The following TASP1 variants were observed in gnomAD, a reference collection of about 807,000 sequenced individuals.
The protein encoded by TASP1 is threonine aspartase 1.
Under a neutral mutation model 56.6 loss-of-function variants are expected in TASP1, and 16 were observed. The ratio of observed to expected loss-of-function variants is 0.28; its 90% CI spans 0.19 to 0.43. The LOEUF (loss-of-function observed/expected upper bound fraction) is 0.43, where lower values mean the gene tolerates loss of function less well. TASP1 is among the 20% of genes least tolerant of loss of function. The probability of loss-of-function intolerance (pLI) is 1.00; values close to 1 mark genes in which losing one functional copy is unlikely to be tolerated. For synonymous variants in TASP1, 179 were observed against 184.2 expected, an observed-to-expected ratio of 0.97 and a Z score of 0.23; for missense variants, 393 against 511.6, an observed-to-expected ratio of 0.77 and a Z score of 2.24.
At chr20:13,211,786 A>G in the TASP1 span, among the ~76,000 whole-genome samples, 44,908 of 152,016 alleles carry the variant, frequency 0.3, 6,985 homozygotes, top group African/African-American at 0.36. Context: ...TGTCAAGTAA[A>G]CAGGCCAAAT....
the TASP1 span, among the ~76,000 whole-genome samples, chr20:13,112,270 C>T: frequency 1.3e-5 from 2 of 152,214 alleles, no homozygotes; most frequent in African/African-American, 4.8e-5. Context: ...ACTTGCACAT[C>T]TGGCCCTCGG....
intron 11 of TASP1, among the ~76,000 whole-genome samples, chr20:13,449,228 T>A (rs548733615): frequency 2.6e-5 from 4 of 152,178 alleles, no homozygotes; most frequent in African/African-American, 9.6e-5. Flanking sequence ...TATGGCCAAA[T>A]AATGCAGGTG....
At chr20:13,246,208 G>A in the TASP1 span, among the ~76,000 whole-genome samples, 380 of 151,790 alleles carry the variant, frequency 2.5e-3, 6 homozygotes, top group Admixed American at 0.024. Flanking sequence ...AGGAGGCGGA[G>A]GTTGCAGTGA....
chr20:13,522,743 C>T (rs1394683287), intron 10 of TASP1, among the ~76,000 whole-genome samples: 1 of 151,996 alleles, frequency 6.6e-6, no homozygotes, highest in Non-Finnish European at 1.5e-5. Flanking sequence ...AGCCATCAGA[C>T]TGGATGAGAC....
intron 10 of TASP1, among the ~76,000 whole-genome samples, chr20:13,502,938 C>A (rs1305942594): frequency 3.3e-5 from 5 of 152,148 alleles, no homozygotes; most frequent in Non-Finnish European, 5.9e-5. Context: ...CAAGGTGGCA[C>A]AGCTCAGTGC....
At chr20:13,116,418 G>A in the TASP1 span, among the ~76,000 whole-genome samples, 3,170 of 152,250 alleles carry the variant, frequency 0.021, 90 homozygotes, top group African/African-American at 0.068. Flanking sequence ...GTGCAACATA[G>A]ACACAGCTTG....
the TASP1 span, chr20:13,117,837 T>C: frequency 1.0e-6 from 1 of 983,570 alleles, no homozygotes; most frequent in Non-Finnish European, 1.5e-6. Flanking sequence ...ACACCTCAGC[T>C]GATCACTCCA....
chr20:13,137,256 T>C, the TASP1 span, among the ~76,000 whole-genome samples: 4 of 152,214 alleles, frequency 2.6e-5, no homozygotes, highest in African/African-American at 9.7e-5. Flanking sequence ...AGTTGGGAAG[T>C]ACTCAAAGCT....
the TASP1 span, among the ~76,000 whole-genome samples, chr20:13,225,137 G>A: frequency 3.9e-5 from 6 of 152,042 alleles, no homozygotes. Context: ...ACAGGCGTGA[G>A]CCACCGCGCC....
the TASP1 span, chr20:13,270,360 T>A: frequency 1.2e-6 from 1 of 859,396 alleles, no homozygotes; most frequent in Non-Finnish European, 1.8e-6. Flanking sequence ...AAACCATGGG[T>A]TTGCAAAACA....
At chr20:13,388,822 C>A (rs1359609694), downstream of TASP1, among the ~76,000 whole-genome samples, 1 of 152,188 alleles carries the variant, frequency 6.6e-6, no homozygotes, top group African/African-American at 2.4e-5. Context: ...ACCAGGAATA[C>A]AAATCAGCAA....
In TASP1 at chr20:13,555,036, A is replaced by T. The variant is rs1278215751; in HGVS notation, c.675+3972T>A. ...ATTTTACCCACAGAACTTCTTTCAA[A>T]ACTGGATTCAACTCTCAAACCCTGC... On this transcript the variant is annotated intron_variant, in intron 8 of 13. Coordinates refer to ENST00000337743, the MANE Select transcript of TASP1 (RefSeq NM_017714.3). Among the ~76,000 whole-genome samples, 3 of 152,138 alleles carry T rather than the reference A, an allele frequency of 2.0e-5. No homozygotes were observed. The East Asian group carries it at 5.8e-4, about 29-fold the overall frequency.
intron 12 of TASP1, among the ~76,000 whole-genome samples, chr20:13,419,156 G>A (rs1001217148): frequency 6.6e-6 from 1 of 152,152 alleles, no homozygotes; most frequent in Non-Finnish European, 1.5e-5. Context: ...TAGTAGAATG[G>A]CCTTGTTCTT....
the TASP1 span, among the ~76,000 whole-genome samples, chr20:13,147,752 G>A: frequency 6.6e-6 from 1 of 152,166 alleles, no homozygotes; most frequent in African/African-American, 2.4e-5. Context: ...ATGCTGCCTA[G>A]GAGCATGTAT....
chr20:13,203,847 G>A, the TASP1 span, among the ~76,000 whole-genome samples: 1 of 152,146 alleles, frequency 6.6e-6, no homozygotes, highest in Non-Finnish European at 1.5e-5. Context: ...ATTAGGGGCT[G>A]GCTGATTCAG....
chr20:13,583,318 G>C (rs1380027738), intron 5 of TASP1, among the ~76,000 whole-genome samples: 1 of 152,208 alleles, frequency 6.6e-6, no homozygotes, highest in Admixed American at 6.5e-5. Context: ...CTGTAGACCA[G>C]CTCTGGCCTG....
At chr20:13,277,395 G>A in the TASP1 span, among the ~76,000 whole-genome samples, 8 of 146,302 alleles carry the variant, frequency 5.5e-5, no homozygotes, top group East Asian at 2.0e-4. Context: ...CCTTGCAGAC[G>A]ATTGTTGCAG....
chr20:13,252,565 A>G, the TASP1 span, among the ~76,000 whole-genome samples: 22 of 152,142 alleles, frequency 1.4e-4, no homozygotes, highest in Non-Finnish European at 3.2e-4. Context: ...AGCCTGACCA[A>G]CATGGTGAAA....
chr20:13,367,052 G>T, the TASP1 span, among the ~76,000 whole-genome samples: 1 of 152,142 alleles, frequency 6.6e-6, no homozygotes, highest in Non-Finnish European at 1.5e-5. Flanking sequence ...TTTTATGGAG[G>T]CTTCCCCATC....
Sources: gnomAD v4.1 joint callset for allele counts (sites outside exome capture counted in the v4.1 genomes callset) on GRCh38, gnomAD v4.1.1 for gene constraint, MANE v1.5 for transcripts, NCBI Gene and HGNC (gene_info 2026-07-23, HGNC 2026-07-21) for gene names.